RARS1: variants seen among roughly 807,000 people sequenced by gnomAD.
RARS1 encodes the protein arginyl-tRNA synthetase 1.
In RARS1, 75 loss-of-function variants were observed where a neutral mutation model predicts 78.7. That is an observed-to-expected ratio of 0.95 (90% CI 0.79 to 1.15). The LOEUF (loss-of-function observed/expected upper bound fraction) is 1.15. Ranked by LOEUF, RARS1 falls within the 50% of genes most tolerant of loss-of-function variation. RARS1 has a pLI of 0.00. For synonymous variants in RARS1, 273 were observed against 268.2 expected (o/e 1.02, Z -0.18); for missense variants, 787 against 787.5 (o/e 1.00, Z 0.01).
chr5:168,506,016 C>T lies in RARS1; in HGVS notation c.1058-5C>T, dbSNP rs780752411. 7 of 1,590,870 alleles carry T rather than the reference C, an allele frequency of 4.4e-6. No homozygotes were observed. Among genetic ancestry groups the T allele is most frequent in the East Asian group, 2.3e-5 (1 of 43,676 alleles). ...TTTATTAATGAAGTGTTTTTTACCC[C>T]CTAGGATTTGTGCAGGTGGATGATG... On this transcript the variant is annotated splice_polypyrimidine_tract_variant and splice_region_variant and intron_variant, in intron 9 of 14. Transcript: ENST00000231572.
In RARS1 at chr5:168,517,918, T is replaced by G. The variant is rs762967172; in HGVS notation, c.1729T>G (p.Cys577Gly). ...TGAGAAGGAATGGAAACTAGGCCGG[T>G]GCATTTTACGGTTCCCTGAGATTCT... is the stretch of plus-strand genomic sequence containing the variant. ...DHEKEWKLGR[C>G]ILRFPEILQK... is the part of the protein sequence containing the mutation. The change falls in exon 14 of 15, where the codon TGC becomes GGC. Residue 577 changes from cysteine (C) to glycine (G), a missense_variant. By Grantham distance (159) the Cys-to-Gly change is radical (BLOSUM62 -3). Transcript: ENST00000231572. The G allele has an allele frequency of 1.2e-6, 2 of 1,613,750 alleles. No homozygotes were observed. Among genetic ancestry groups the G allele is most frequent in the Admixed American group, 3.3e-5 (2 of 59,980 alleles).
chr5:168,495,280 C>G (rs372010934), intron 5 of RARS1, 35 bp from the exon 6 acceptor site: 2 of 1,604,840 alleles, frequency 1.2e-6, no homozygotes, highest in Non-Finnish European at 1.7e-6. Context: ...TGTTTATGCC[C>G]CTCTTAACAG....
At position 168,492,740 on chromosome 5, in the gene RARS1, A is replaced by G. The variant is rs1015037535; in HGVS notation, c.262A>G (p.Ile88Val). 5.6e-6 allele frequency: 9 copies of G among 1,613,060 alleles called. 1 individual carries two copies. The highest frequency in any genetic ancestry group is 4.0e-5 in the African/African-American group (3 of 74,936). Residue 88 changes from isoleucine to valine, a missense_variant, in exon 3 of 15, where the codon ATT becomes GTT. By Grantham distance (29) the Ile-to-Val change is conservative (BLOSUM62 3). Transcript: ENST00000231572. ...SRLQEVFGHA[I>V]KAAYPDLENP... is the part of the protein sequence containing the mutation. ...CCTACAAGAGGTCTTTGGTCATGCA[A>G]TTAAGGCTGCATATCCAGATTTGGA...
intron 14 of RARS1, 143 bp downstream of exon 14, chr5:168,518,205 T>G: frequency 9.6e-7 from 1 of 1,043,292 alleles, no homozygotes; most frequent in Non-Finnish European, 1.3e-6. Context: ...CACTTGAGCC[T>G]CCCGAATGGC....
chr5:168,498,716 C>T (rs1160244873), intron 7 of RARS1, among the ~76,000 whole-genome samples: 1 of 151,866 alleles, frequency 6.6e-6, no homozygotes. Context: ...CTTGTAATCC[C>T]AACATTTTGA....
chr5:168,509,663 CT>C (rs11287832), intron 11 of RARS1, among the ~76,000 whole-genome samples: 88,853 of 142,950 alleles, frequency 0.62, 27,778 homozygotes, highest in East Asian at 0.87. Flanking sequence ...TTCTTTCTTT[CT>C]TTTTTTTTTT....
rs1343620859 is a variant in RARS1 at position 168,502,379 on chromosome 5, TA to T, written c.1057+275del. Among the ~76,000 whole-genome samples, 107 of 90,898 alleles carry T rather than the reference TA, an allele frequency of 1.2e-3. 1 individual carries two copies. The highest frequency in any genetic ancestry group is 5.2e-3 in the African/African-American group (98 of 18,698). The allele number at this position is 90,898 out of a possible 152,430, so 59.6% of individuals were successfully genotyped here. Reference sequence around the variant, plus strand: ...AATAACAAATATATATATATATATATATATATTTTTTTTTTTTAAAACAATC... The same window carrying T: ...AATAACAAATATATATATATATATATTATATTTTTTTTTTTTAAAACAATC... On this transcript the variant is annotated intron_variant, in intron 9 of 14. Transcript: ENST00000231572.
chr5:168,510,717 A>G (rs1307475743), intron 12 of RARS1, 31 bp downstream of exon 12: 1 of 1,477,334 alleles, frequency 6.8e-7, no homozygotes, highest in Non-Finnish European at 9.2e-7. Flanking sequence ...CATAATGTGT[A>G]TCAAGCATTG....
intron 9 of RARS1, among the ~76,000 whole-genome samples, chr5:168,503,611 C>T (rs1479467676): frequency 1.0e-5 from 1 of 95,802 alleles, no homozygotes; most frequent in Admixed American, 1.2e-4. Context: ...TTTTCAACCC[C>T]TTTGGTAGTT....
rs12520913 is a variant in RARS1, at chr5:168,502,386, T to A, written c.1057+281T>A. 0.077 allele frequency among the ~76,000 whole-genome samples: 7,762 copies of A among 100,478 alleles called. 388 individuals carry two copies. Among genetic ancestry groups the A allele is most frequent in the Admixed American group, 0.22 (2,375 of 10,578 alleles). 65.9% of individuals were successfully genotyped at this position (100,478 alleles called of 152,430 possible). On this transcript the variant is annotated intron_variant, in intron 9 of 14. Coordinates refer to ENST00000231572, the MANE Select transcript of RARS1 (RefSeq NM_002887.4). ...AATATATATATATATATATATATAT[T>A]TTTTTTTTTTAAAACAATCTTGCTA...
At chr5:168,513,280 A>T (rs1385109142) in intron 12 of RARS1, among the ~76,000 whole-genome samples, 2 of 147,946 alleles carry the variant, frequency 1.4e-5, no homozygotes, top group Non-Finnish European at 3.0e-5. Flanking sequence ...GGATGGTCTC[A>T]ATCTCGTGAC....
At chr5:168,504,848 G>A (rs1270394256) in intron 9 of RARS1, among the ~76,000 whole-genome samples, 3 of 152,172 alleles carry the variant, frequency 2.0e-5, no homozygotes, top group African/African-American at 4.8e-5. Context: ...TTAGCCAGGC[G>A]TGATCGTGCA....
In RARS1 at chr5:168,506,838, C is replaced by T; in HGVS notation, c.1346+7C>T. 1 of 1,578,272 alleles carries T rather than the reference C, an allele frequency of 6.3e-7. No individual in the cohort carries two copies. The highest frequency in any genetic ancestry group is 8.7e-7 in the Non-Finnish European group (1 of 1,148,198). The stretch of plus-strand genomic sequence containing the variant: ...TGGTGCTAGGGGAAGACAAGTAAGT[C>T]TGGAAAATCTGAAGATGGTAATGAT... On this transcript the variant is annotated splice_region_variant and intron_variant, in intron 11 of 14. Coordinates refer to ENST00000231572, the MANE Select transcript of RARS1 (RefSeq NM_002887.4).
chr5:168,512,669 C>G (rs1416926684), intron 12 of RARS1, among the ~76,000 whole-genome samples: 1 of 152,192 alleles, frequency 6.6e-6, no homozygotes, highest in Non-Finnish European at 1.5e-5. Flanking sequence ...GGGCAGGAAG[C>G]ATCCAGCACG....
At chr5:168,516,522 A>G (rs1758669189) in intron 12 of RARS1, among the ~76,000 whole-genome samples, 1 of 152,232 alleles carries the variant, frequency 6.6e-6, no homozygotes. Flanking sequence ...GGAAAAAGGT[A>G]TTCATGCTGA....
chr5:168,486,834 C>G (rs953614225), intron 1 of RARS1, among the ~76,000 whole-genome samples: 3 of 152,160 alleles, frequency 2.0e-5, no homozygotes, highest in East Asian at 3.9e-4. Context: ...GAACAGTTCT[C>G]TCCCTACAAT....
chr5:168,510,559 T>C lies in RARS1; in HGVS notation c.1347-22T>C, dbSNP rs572013302. 1.7e-4 allele frequency: 266 copies of C among 1,556,380 alleles called. 1 individual carries two copies. The South Asian group carries it at 2.9e-3, about 17-fold the overall frequency. On this transcript the variant is annotated intron_variant, in intron 11 of 14. Coordinates refer to ENST00000231572, the MANE Select transcript of RARS1 (RefSeq NM_002887.4). Reference sequence around the variant, plus strand: ...TTGAAAAGTCTGTTTCAAAATCTGATTGGGGGTTTTACATTTTTTAGGAAA... The same window carrying C: ...TTGAAAAGTCTGTTTCAAAATCTGACTGGGGGTTTTACATTTTTTAGGAAA...
chr5:168,504,435 G>GAA (rs1454956061), intron 9 of RARS1, among the ~76,000 whole-genome samples: 1 of 149,038 alleles, frequency 6.7e-6, no homozygotes, highest in Non-Finnish European at 1.5e-5. Context: ...AGGCAGAGGA[G>GAA]TCGCTTGAAC....
At chr5:168,491,652 A>G (rs1414067697) in intron 2 of RARS1, among the ~76,000 whole-genome samples, 1 of 152,214 alleles carries the variant, frequency 6.6e-6, no homozygotes, top group Non-Finnish European at 1.5e-5. Context: ...CTTGTCTTTG[A>G]CAAGTGACTT....
Sources: gnomAD v4.1 joint callset for allele counts (sites outside exome capture counted in the v4.1 genomes callset) on GRCh38, gnomAD v4.1.1 for gene constraint, MANE v1.5 for transcripts, NCBI Gene and HGNC (gene_info 2026-07-23, HGNC 2026-07-21) for gene names.